NAALAD2: variants seen among roughly 807,000 people sequenced by gnomAD.
NAALAD2 encodes the protein N-acetylated alpha-linked acidic dipeptidase 2.
In NAALAD2, 89 loss-of-function variants were observed where a neutral mutation model predicts 95.6. That is an observed-to-expected ratio of 0.93 (90% CI 0.78 to 1.11). The LOEUF (loss-of-function observed/expected upper bound fraction) is 1.11. Ranked by LOEUF, NAALAD2 falls within the 50% of genes least tolerant of loss-of-function variation. The pLI is 0.00. For missense variants in NAALAD2, 894 were observed against 872.4 expected (o/e 1.02, Z -0.31); for synonymous variants, 264 against 294.4 (o/e 0.90, Z 1.06).
At chr11:90,141,608 T>C (rs1951617505) in intron 2 of NAALAD2, among the ~76,000 whole-genome samples, 1 of 151,516 alleles carries the variant, frequency 6.6e-6, no homozygotes, top group Non-Finnish European at 1.5e-5. Context: ...GTTTGTTTGT[T>C]TGTTTTGGTT....
At chr11:90,191,502 C>T in intron 18 of NAALAD2, 56 bp from the exon 19 acceptor site, 4 of 1,296,552 alleles carry the variant, frequency 3.1e-6, no homozygotes, top group Non-Finnish European at 4.1e-6. Flanking sequence ...AAACAAAAAG[C>T]ATGCAAAATG....
In NAALAD2 at chr11:90,167,400, T is replaced by C. The variant is rs1320625222; in HGVS notation, c.1279-1529T>C. 4.6e-5 allele frequency among the ~76,000 whole-genome samples: 7 copies of C among 152,168 alleles called. No individual in the cohort carries two copies. The South Asian group carries it at 8.3e-4, about 18-fold the overall frequency. ...TCCCCGCAGGGCAGGGCTTCCGACC[T>C]GCAGCCCACCATGCCTGAGCCTGCG... On this transcript the variant is annotated intron_variant, in intron 11 of 18. Coordinates refer to ENST00000534061, the MANE Select transcript of NAALAD2 (RefSeq NM_005467.4).
chr11:90,145,553 A>G (rs1295978195), intron 2 of NAALAD2, among the ~76,000 whole-genome samples: 1 of 152,182 alleles, frequency 6.6e-6, no homozygotes, highest in African/African-American at 2.4e-5. Flanking sequence ...GTCTGAACAC[A>G]TTTGTACTTT....
At chr11:90,187,006 G>A (rs1282836014) in intron 18 of NAALAD2, among the ~76,000 whole-genome samples, 3 of 151,156 alleles carry the variant, frequency 2.0e-5, no homozygotes, top group African/African-American at 7.3e-5. Flanking sequence ...TCAAAAAGTG[G>A]GCGAAGGACA....
chr11:90,166,183 A>G (rs571854033), intron 11 of NAALAD2, among the ~76,000 whole-genome samples: 2 of 152,296 alleles, frequency 1.3e-5, no homozygotes, highest in South Asian at 2.1e-4. Context: ...TGTTTTTACT[A>G]TAACATATTT....
intron 11 of NAALAD2, among the ~76,000 whole-genome samples, chr11:90,167,757 A>C (rs928717802): frequency 1.3e-5 from 2 of 152,024 alleles, no homozygotes; most frequent in Non-Finnish European, 2.9e-5. Context: ...TCCACACTCT[A>C]TATCTAGCTA....
chr11:90,159,222 T>G lies in NAALAD2; in HGVS notation c.891-17T>G. ...TTGTGGTAGCCTTTTTCTGTCACTT[T>G]CATTTTATTTTGTCAGCTACTTGGG... is the stretch of plus-strand genomic sequence containing the variant. On this transcript the variant is annotated splice_polypyrimidine_tract_variant and intron_variant, in intron 7 of 18. Coordinates refer to ENST00000534061, the MANE Select transcript of NAALAD2 (RefSeq NM_005467.4). The G allele has an allele frequency of 6.3e-7, 1 of 1,589,904 alleles. No homozygotes were observed. Among genetic ancestry groups the G allele is most frequent in the South Asian group, 1.1e-5 (1 of 90,072 alleles).
Position 90,170,100 on chromosome 11 carries a change from C to T in NAALAD2, c.1374C>T (p.Pro458=). ...ATACTCTCAGAGTTGACTGTACTCC[C>T]CTTCTTTACCAATTAGTGTATAAAC... ...GNYTLRVDCT[P]LLYQLVYKLT... is the part of the protein sequence containing the mutation. The change falls in exon 13 of 19, where the codon CCC becomes CCT. Residue 458 remains proline, a synonymous_variant. Coordinates refer to ENST00000534061, the MANE Select transcript of NAALAD2 (RefSeq NM_005467.4). The T allele has an allele frequency of 1.3e-6, 2 of 1,591,994 alleles. No homozygotes were observed. Among genetic ancestry groups the T allele is most frequent in the Non-Finnish European group, 1.7e-6 (2 of 1,160,180 alleles).
At chr11:90,160,662 T>C (rs1952268192) in intron 8 of NAALAD2, among the ~76,000 whole-genome samples, 1 of 152,208 alleles carries the variant, frequency 6.6e-6, no homozygotes, top group African/African-American at 2.4e-5. Context: ...AAATGTAACT[T>C]ACTCAATGAA....
intron 11 of NAALAD2, chr11:90,164,103 C>T (rs1489159801): frequency 5.7e-6 from 1 of 175,760 alleles, no homozygotes; most frequent in East Asian, 1.6e-4. Context: ...CATAAGTATA[C>T]TTTAGCATTT....
chr11:90,181,726 TAA>T (rs3832738), intron 17 of NAALAD2, 25 bp downstream of exon 17: 12,855 of 967,672 alleles, frequency 0.013, 120 homozygotes, highest in African/African-American at 0.12. Context: ...CCTTTTTTTT[TAA>T]AAAAAAAAAA....
chr11:90,168,015 T>A (rs1037943896), intron 11 of NAALAD2, among the ~76,000 whole-genome samples: 2 of 152,180 alleles, frequency 1.3e-5, no homozygotes, highest in Admixed American at 1.3e-4. Context: ...TTTTGCTCTT[T>A]GCAATATTGC....
chr11:90,167,064 C>T (rs1952477041), intron 11 of NAALAD2, among the ~76,000 whole-genome samples: 1 of 152,214 alleles, frequency 6.6e-6, no homozygotes, highest in South Asian at 2.1e-4. Flanking sequence ...CTCGGCGCCT[C>T]CTCGGCCTTG....
chr11:90,160,001 A>G (rs1246057537), intron 8 of NAALAD2, among the ~76,000 whole-genome samples: 1 of 120,878 alleles, frequency 8.3e-6, no homozygotes, highest in Non-Finnish European at 1.8e-5. Flanking sequence ...GGGAGAGGTA[A>G]AGATGAAGAG....
At chr11:90,134,471 T>A, upstream of NAALAD2, 1 of 405,122 alleles carries the variant, frequency 2.5e-6, no homozygotes, top group East Asian at 4.6e-5. Context: ...ATTAGGGACG[T>A]TTTCAGCAGC....
chr11:90,169,732 G>T, intron 12 of NAALAD2: 1 of 259,032 alleles, frequency 3.9e-6, no homozygotes. Context: ...CTATTGCATA[G>T]AATGAAACAA....
chr11:90,142,658 T>C (rs1391906829), intron 2 of NAALAD2, among the ~76,000 whole-genome samples: 1 of 152,158 alleles, frequency 6.6e-6, no homozygotes, highest in Non-Finnish European at 1.5e-5. Context: ...ATTTGCTTTT[T>C]TATCCACTCT....
At chr11:90,163,930 A>T (rs1340691957) in intron 11 of NAALAD2, 4 of 454,320 alleles carry the variant, frequency 8.8e-6, no homozygotes, top group Non-Finnish European at 1.5e-5. Flanking sequence ...ATTTTTGATG[A>T]TAATTTACTT....
intron 17 of NAALAD2, 136 bp from the exon 18 acceptor site, chr11:90,182,780 C>A: frequency 1.7e-6 from 1 of 585,748 alleles, no homozygotes. Flanking sequence ...TAAAGCATTA[C>A]TGTGTTAATA....
Sources: gnomAD v4.1 joint callset for allele counts (sites outside exome capture counted in the v4.1 genomes callset) on GRCh38, gnomAD v4.1.1 for gene constraint, MANE v1.5 for transcripts, NCBI Gene and HGNC (gene_info 2026-07-23, HGNC 2026-07-21) for gene names.